Variants in SLC27A6 observed in about 807,000 individuals in gnomAD.
SLC27A6 encodes long-chain fatty acid transport protein 6.
A neutral mutation model predicts 63.9 loss-of-function variants in SLC27A6; 74 were observed. The observed-to-expected ratio is 1.16, with a 90% confidence interval of 0.96 to 1.40. The LOEUF is 1.40. SLC27A6 is among the 40% of genes most tolerant of loss of function. The pLI is 0.00. For missense variants in SLC27A6, 794 were observed against 732.9 expected (o/e 1.08, Z -0.96); for synonymous variants, 287 against 260.8 (o/e 1.10, Z -0.97).
At position 128,990,569 on chromosome 5, in the gene SLC27A6, G is replaced by A. The variant is rs576479040; in HGVS notation, c.969+105G>A. The A allele has an allele frequency of 1.1e-4, 129 of 1,214,782 alleles. 3 individuals are homozygous for A. The South Asian group carries it at 1.8e-3, about 17-fold the overall frequency. The allele number at this position is 1,214,782 out of a possible 1,614,324, so 75.3% of individuals were successfully genotyped here. A position where few individuals can be genotyped will look rare whatever the true frequency, so the allele number is the denominator to read the frequency against. The stretch of plus-strand genomic sequence containing the variant: ...TTTATACTCTACCTTTGTTACTGGC[G>A]GGTCTTTGTTCTTAGAGCTTCCAAG... On this transcript the variant is annotated intron_variant, in intron 4 of 9. Coordinates refer to ENST00000262462, the MANE Select transcript of SLC27A6 (RefSeq NM_001017372.3).
chr5:129,011,655 A>G (rs1437676882), intron 4 of SLC27A6, among the ~76,000 whole-genome samples: 2 of 152,126 alleles, frequency 1.3e-5, no homozygotes, highest in Non-Finnish European at 2.9e-5. Flanking sequence ...CACACATCCT[A>G]TGGGGAATGC....
chr5:129,029,093 C>T (rs1431245757), intron 8 of SLC27A6, among the ~76,000 whole-genome samples: 5 of 152,086 alleles, frequency 3.3e-5, no homozygotes, highest in Admixed American at 3.3e-4. Flanking sequence ...CCAGGACATT[C>T]TGACCCCTGT....
chr5:128,967,840 C>A (rs1749969162), intron 1 of SLC27A6, among the ~76,000 whole-genome samples: 1 of 152,078 alleles, frequency 6.6e-6, no homozygotes, highest in South Asian at 2.1e-4. Flanking sequence ...TATACATGTG[C>A]CATGTTAGTG....
intron 4 of SLC27A6, among the ~76,000 whole-genome samples, chr5:129,006,070 T>TG: frequency 1.7e-5 from 2 of 117,036 alleles, no homozygotes; most frequent in East Asian, 2.6e-4. Flanking sequence ...CTGTGCACAC[T>TG]GTTTTTTTTT....
rs929520320 is a variant in SLC27A6, at chr5:129,015,989, T to C, written c.1074T>C (p.Cys358=). 1.2e-6 allele frequency: 2 copies of C among 1,610,330 alleles called. No individual in the cohort carries two copies. Among genetic ancestry groups the C allele is most frequent in the Non-Finnish European group, 1.7e-6 (2 of 1,178,354 alleles). The change falls in exon 5 of 10, where the codon TGT becomes TGC. Residue 358 remains cysteine, a synonymous_variant. Transcript: ENST00000262462. The part of the protein sequence containing the change: ...FLDRFGNIKV[C]ELYAATESSI... ...ACAGATTTGGAAATATAAAGGTGTG[T>C]GAACTTTATGCAGCTACCGAATCAA...
chr5:128,980,386 A>G (rs1326980016), intron 1 of SLC27A6, among the ~76,000 whole-genome samples: 3 of 152,252 alleles, frequency 2.0e-5, no homozygotes, highest in Non-Finnish European at 4.4e-5. Flanking sequence ...CCAAGGTCAC[A>G]CAACTAGCAA....
intron 9 of SLC27A6, among the ~76,000 whole-genome samples, chr5:129,030,109 T>C (rs1311004199): frequency 6.6e-6 from 1 of 152,024 alleles, no homozygotes; most frequent in Non-Finnish European, 1.5e-5. Context: ...CATCTGGCTT[T>C]AGGCAATCCT....
chr5:129,003,915 CTG>C (rs1561623877), intron 4 of SLC27A6, among the ~76,000 whole-genome samples: 2 of 144,688 alleles, frequency 1.4e-5, no homozygotes, highest in African/African-American at 5.2e-5. Context: ...CTGCAGTGAG[CTG>C]AGATTGCCCC....
chr5:129,018,694 G>A (rs1316738136), intron 5 of SLC27A6, among the ~76,000 whole-genome samples: 1 of 151,936 alleles, frequency 6.6e-6, no homozygotes, highest in Admixed American at 6.6e-5. Flanking sequence ...ACCAACAAGG[G>A]TATGATGATT....
chr5:129,011,195 C>A (rs1243452552), intron 4 of SLC27A6, among the ~76,000 whole-genome samples: 2 of 152,066 alleles, frequency 1.3e-5, no homozygotes, highest in African/African-American at 4.8e-5. Flanking sequence ...GTATTTTATG[C>A]ATATTTCAGC....
In SLC27A6 at chr5:128,990,045, T is replaced by C. The variant is rs369733836; in HGVS notation, c.845-295T>C. ...CTTCTATGAAGAAGGATGACTCTTA[T>C]CAATAGCCATGCTCTAATACTTTAA... On this transcript the variant is annotated intron_variant, in intron 3 of 9. Coordinates refer to ENST00000262462, the MANE Select transcript of SLC27A6 (RefSeq NM_001017372.3). Among the ~76,000 whole-genome samples, 55 of 152,312 alleles carry C rather than the reference T, an allele frequency of 3.6e-4. No homozygotes were observed. In the East Asian group the frequency reaches 5.8e-3, roughly 16 times the overall value.
intron 5 of SLC27A6, among the ~76,000 whole-genome samples, chr5:129,020,496 G>T (rs546664071): frequency 1.3e-5 from 2 of 152,128 alleles, no homozygotes; most frequent in Admixed American, 6.6e-5. Flanking sequence ...ATGGGAGTGG[G>T]GGGGAGGAAA....
At chr5:128,982,458 C>T (rs1750629473) in intron 1 of SLC27A6, among the ~76,000 whole-genome samples, 1 of 152,092 alleles carries the variant, frequency 6.6e-6, no homozygotes, top group Non-Finnish European at 1.5e-5. Flanking sequence ...TGGAGCCACA[C>T]TTATTCATAT....
At chr5:128,993,276 A>C (rs927018717) in intron 4 of SLC27A6, among the ~76,000 whole-genome samples, 6 of 152,114 alleles carry the variant, frequency 3.9e-5, no homozygotes, top group Non-Finnish European at 8.8e-5. Flanking sequence ...AAGTCCTTGA[A>C]ACATGGTGAG....
chr5:129,018,200 C>G (rs961965944), intron 5 of SLC27A6, among the ~76,000 whole-genome samples: 1 of 152,058 alleles, frequency 6.6e-6, no homozygotes, highest in African/African-American at 2.4e-5. Context: ...TCCCATAATG[C>G]GAACTTTGGT....
chr5:128,984,488 C>T (rs1240518636), intron 1 of SLC27A6, among the ~76,000 whole-genome samples: 2 of 152,182 alleles, frequency 1.3e-5, no homozygotes, highest in Admixed American at 1.3e-4. Flanking sequence ...TGTAGCAGAT[C>T]CTTCCTAAGA....
chr5:128,966,559 C>G lies in SLC27A6; in HGVS notation c.422C>G (p.Ser141Cys). 6.4e-7 allele frequency: 1 copy of G among 1,568,414 alleles called. No individual in the cohort carries two copies. Among genetic ancestry groups the G allele is most frequent in the Non-Finnish European group, 8.6e-7 (1 of 1,162,718 alleles). ...VVAFLNTNIR[S>C]NSLLNCIRAC... ...GCCTTTCTCAACACCAACATTCGCT[C>G]CAACTCCCTCCTGAATTGCATCCGC... The change falls in exon 1 of 10, where the codon TCC (serine) becomes TGC (cysteine). Residue 141 changes from serine (S) to cysteine (C), a missense_variant. Transcript: ENST00000262462.
chr5:129,029,605 T>C lies in SLC27A6; in HGVS notation c.1581T>C (p.Ser527=). ...SGYEGRAGMA[S]IILKPNTSLD... is the part of the protein sequence containing the mutation. ...ATGAAGGAAGAGCAGGAATGGCTTC[T>C]ATTATTTTAAAACCAAATACATCTT... The change falls in exon 9 of 10, where the codon TCT becomes TCC. Residue 527 remains serine (S), a synonymous_variant. Transcript: ENST00000262462. 2 of 1,588,544 alleles carry C rather than the reference T, an allele frequency of 1.3e-6. No homozygotes were observed. Among genetic ancestry groups the C allele is most frequent in the Non-Finnish European group, 1.7e-6 (2 of 1,169,912 alleles).
intron 6 of SLC27A6, among the ~76,000 whole-genome samples, chr5:129,024,805 T>C (rs1426957752): frequency 5.3e-5 from 8 of 152,296 alleles, no homozygotes; most frequent in African/African-American, 1.9e-4. Flanking sequence ...AGTGGCTTCC[T>C]AAATCTTTTC....
Sources: gnomAD v4.1 joint callset for allele counts (sites outside exome capture counted in the v4.1 genomes callset) on GRCh38, gnomAD v4.1.1 for gene constraint, MANE v1.5 for transcripts, NCBI Gene and HGNC (gene_info 2026-07-23, HGNC 2026-07-21) for gene names.